PLXNA4: variants seen among roughly 807,000 people sequenced by gnomAD.
PLXNA4 encodes the protein plexin-A4.
PLXNA4 carries 44 observed loss-of-function variants against 191.8 expected under a neutral mutation model. That is an observed-to-expected ratio of 0.23 (90% CI 0.18 to 0.29). PLXNA4 has a LOEUF of 0.29. Among genes scored for constraint, PLXNA4 ranks in the 10% least tolerant of loss-of-function variants. The pLI is 1.00. For synonymous variants in PLXNA4, 1,082 were observed against 1,009.5 expected (o/e 1.07, Z -1.36); for missense variants, 1,800 against 2,488.8 (o/e 0.72, Z 5.89).
chr7:132,209,492 C>T (rs181561815), intron 10 of PLXNA4, among the ~76,000 whole-genome samples: 2 of 152,242 alleles, frequency 1.3e-5, no homozygotes, highest in Admixed American at 6.5e-5. Flanking sequence ...CCTTTGCTTG[C>T]AGGTTTAATC....
chr7:132,210,870 G>T, intron 10 of PLXNA4, 73 bp downstream of exon 10: 1 of 1,512,894 alleles, frequency 6.6e-7, no homozygotes, highest in Non-Finnish European at 9.1e-7. Flanking sequence ...AGCTGATTTG[G>T]CTCCTAGAAG....
chr7:132,501,225 A>C (rs1361820073), intron 2 of PLXNA4, among the ~76,000 whole-genome samples: 4 of 152,280 alleles, frequency 2.6e-5, no homozygotes, highest in Non-Finnish European at 5.9e-5. Context: ...CAAGAGTGTG[A>C]GTGAGTGAGC....
chr7:132,316,031 C>T (rs1369123988), intron 3 of PLXNA4, among the ~76,000 whole-genome samples: 1 of 152,134 alleles, frequency 6.6e-6, no homozygotes, highest in Non-Finnish European at 1.5e-5. Context: ...GATGGGGGAA[C>T]TGATATGATC....
intron 3 of PLXNA4, among the ~76,000 whole-genome samples, chr7:132,414,899 C>T (rs1203820278): frequency 6.6e-6 from 1 of 152,164 alleles, no homozygotes; most frequent in African/African-American, 2.4e-5. Context: ...CTAGTTGTAA[C>T]TACAAATTCT....
At chr7:132,581,771 C>T (rs1190870090), upstream of PLXNA4, among the ~76,000 whole-genome samples, 1 of 152,184 alleles carries the variant, frequency 6.6e-6, no homozygotes, top group Non-Finnish European at 1.5e-5. Flanking sequence ...CCTCTGGGCA[C>T]CAAAATAACT....
chr7:132,614,406 G>C (rs1005143264), intron 2 of PLXNA4, among the ~76,000 whole-genome samples: 5 of 152,210 alleles, frequency 3.3e-5, no homozygotes, highest in African/African-American at 1.2e-4. Context: ...TAGCGGGAGT[G>C]GGTTTAAGCA....
intron 3 of PLXNA4, among the ~76,000 whole-genome samples, chr7:132,392,044 C>T (rs922386240): frequency 1.3e-5 from 2 of 152,044 alleles, no homozygotes; most frequent in African/African-American, 2.4e-5. Flanking sequence ...AGGAGAATCA[C>T]TCGACCCTGG....
chr7:132,174,961 G>A (rs1352571651), intron 20 of PLXNA4, 41 bp from the exon 21 acceptor site: 25 of 1,608,364 alleles, frequency 1.6e-5, no homozygotes, highest in Non-Finnish European at 2.1e-5. Context: ...GGATGGGGAG[G>A]CTCCAGGAGT....
At chr7:132,182,051 G>A (rs368766063) in intron 17 of PLXNA4, 46 bp downstream of exon 17, 54 of 1,613,736 alleles carry the variant, frequency 3.3e-5, no homozygotes, top group African/African-American at 1.2e-4. Context: ...GGGAAGCAAC[G>A]TGTTGCATGG....
intron 3 of PLXNA4, among the ~76,000 whole-genome samples, chr7:132,386,781 C>T (rs1388606813): frequency 6.6e-6 from 1 of 152,208 alleles, no homozygotes; most frequent in Non-Finnish European, 1.5e-5. Flanking sequence ...GGATCATGTT[C>T]CCCAGGGTTG....
chr7:132,168,449 G>A lies in PLXNA4; in HGVS notation c.4141C>T (p.Arg1381Cys), dbSNP rs1174677476. Residue 1381 changes from arginine (R) to cysteine (C), a missense_variant, in exon 22 of 32, where the codon CGC becomes TGC. Around this residue, in one of 6 missense-constraint regions of PLXNA4, gnomAD observed 1,397 missense variants for 1,880.4 expected, o/e 0.74. Transcript: ENST00000321063. ...TLESQRSFSM[R>C]DRGNVASLIM... is the part of the protein sequence containing the mutation. The stretch of plus-strand genomic sequence containing the variant: ...AGTGAGGCCACGTTGCCACGGTCGC[G>A]CATGGAGAAGCTACGCTGGGACTCA... 6.2e-7 allele frequency: 1 copy of A among 1,614,040 alleles called. No homozygotes were observed. The highest frequency in any genetic ancestry group is 8.5e-7 in the Non-Finnish European group (1 of 1,179,938).
chr7:132,493,383 C>G (rs1797879820), intron 2 of PLXNA4, among the ~76,000 whole-genome samples: 1 of 152,212 alleles, frequency 6.6e-6, no homozygotes, highest in African/African-American at 2.4e-5. Flanking sequence ...AGCAACTCTA[C>G]TCTCACAAGG....
intron 4 of PLXNA4, among the ~76,000 whole-genome samples, chr7:132,283,017 C>G (rs1800545663): frequency 6.6e-6 from 1 of 152,012 alleles, no homozygotes; most frequent in East Asian, 1.9e-4. Context: ...TAACTGGGAC[C>G]TACAGGCGCT....
intron 25 of PLXNA4, among the ~76,000 whole-genome samples, chr7:132,158,009 C>A (rs888160561): frequency 1.3e-5 from 2 of 152,178 alleles, no homozygotes; most frequent in Non-Finnish European, 2.9e-5. Context: ...TACCCCTCCC[C>A]ACCACCATCA....
intron 25 of PLXNA4, among the ~76,000 whole-genome samples, chr7:132,153,406 G>C (rs1319662396): frequency 1.3e-5 from 2 of 152,022 alleles, no homozygotes; most frequent in Non-Finnish European, 2.9e-5. Context: ...TTATTAGAGG[G>C]GCAAAGAGGC....
chr7:132,519,489 T>A (rs1799082792), intron 1 of PLXNA4, among the ~76,000 whole-genome samples: 1 of 152,190 alleles, frequency 6.6e-6, no homozygotes, highest in Non-Finnish European at 1.5e-5. Context: ...CACCACAGGC[T>A]GGGGATAGTC....
chr7:132,620,798 T>G (rs143392225), intron 2 of PLXNA4, among the ~76,000 whole-genome samples: 116 of 152,342 alleles, frequency 7.6e-4, no homozygotes, highest in Non-Finnish European at 1.1e-3. Context: ...ACCATTTGTC[T>G]TAGTCGTTCG....
chr7:132,637,677 T>C (rs4731888), intron 2 of PLXNA4, among the ~76,000 whole-genome samples: 88,658 of 152,060 alleles, frequency 0.58, 26,470 homozygotes, highest in African/African-American at 0.68. Flanking sequence ...GTTTCCCCAC[T>C]TGTGATGTAG....
chr7:132,529,068 A>C (rs1016152458), intron 1 of PLXNA4, among the ~76,000 whole-genome samples: 12 of 152,210 alleles, frequency 7.9e-5, no homozygotes, highest in Admixed American at 2.0e-4. Flanking sequence ...CTTAAATATC[A>C]ATATCCTTGG....
Sources: allele counts gnomAD v4.1 joint callset (sites outside exome capture counted in the v4.1 genomes callset), GRCh38; gene constraint gnomAD v4.1.1; regional missense constraint gnomAD v4.1.1; transcripts MANE v1.5; gene names NCBI Gene and HGNC (gene_info 2026-07-23, HGNC 2026-07-21).